CTNNBIP1: variants seen among roughly 807,000 people sequenced by gnomAD.
CTNNBIP1 encodes catenin beta interacting protein 1, also known as beta-catenin-interacting protein 1.
A neutral mutation model predicts 11.8 loss-of-function variants in CTNNBIP1; 7 were observed. The observed-to-expected ratio is 0.60, with a 90% confidence interval of 0.34 to 1.12. CTNNBIP1 has a LOEUF of 1.12. CTNNBIP1 is among the 50% of genes most tolerant of loss of function. The pLI, the probability that CTNNBIP1 is intolerant of heterozygous loss-of-function variation, is 0.03. For missense variants in CTNNBIP1, 101 were observed against 113.4 expected (o/e 0.89, Z 0.50); for synonymous variants, 58 against 43.9 (o/e 1.32, Z -1.26).
At chr1:9,856,598 C>T (rs755775459) in intron 5 of CTNNBIP1, among the ~76,000 whole-genome samples, 2 of 150,974 alleles carry the variant, frequency 1.3e-5, no homozygotes, top group East Asian at 2.0e-4. Context: ...ACCACAATCT[C>T]CGCCTCCCGC....
intron 5 of CTNNBIP1, among the ~76,000 whole-genome samples, chr1:9,861,750 C>G (rs945697198): frequency 3.9e-5 from 6 of 152,220 alleles, no homozygotes; most frequent in African/African-American, 1.4e-4. Context: ...CCCTCCTAGG[C>G]TTGGGGTCCC....
chr1:9,899,683 C>T (rs1557766757), intron 1 of CTNNBIP1, among the ~76,000 whole-genome samples: 4 of 151,380 alleles, frequency 2.6e-5, no homozygotes, highest in African/African-American at 7.3e-5. Context: ...CACTTGAACC[C>T]GGGAGGCGGA....
intron 5 of CTNNBIP1, among the ~76,000 whole-genome samples, chr1:9,865,834 G>C (rs903120390): frequency 3.8e-4 from 57 of 151,968 alleles, no homozygotes; most frequent in Non-Finnish European, 8.8e-5. Flanking sequence ...CTATAACTGG[G>C]AAAAAAATCA....
intron 5 of CTNNBIP1, among the ~76,000 whole-genome samples, chr1:9,866,567 C>T (rs1459812519): frequency 1.5e-4 from 23 of 151,892 alleles, no homozygotes; most frequent in Admixed American, 1.5e-3. Context: ...GTAACCCCAG[C>T]TACTCGGGAG....
At chr1:9,853,680 T>A (rs1290542573) in intron 5 of CTNNBIP1, among the ~76,000 whole-genome samples, 1 of 152,240 alleles carries the variant, frequency 6.6e-6, no homozygotes, top group African/African-American at 2.4e-5. Context: ...CCTTGGTATC[T>A]CTGTTGACAC....
intron 1 of CTNNBIP1, among the ~76,000 whole-genome samples, chr1:9,889,786 T>C (rs1250881229): frequency 6.6e-6 from 1 of 152,112 alleles, no homozygotes; most frequent in Non-Finnish European, 1.5e-5. Context: ...AACCCACATC[T>C]CTTATTAAAT....
At chr1:9,854,305 T>G (rs984540076) in intron 5 of CTNNBIP1, among the ~76,000 whole-genome samples, 3 of 149,552 alleles carry the variant, frequency 2.0e-5, no homozygotes, top group Admixed American at 2.0e-4. Flanking sequence ...GAGGTGGAGG[T>G]TGCAGTGAGC....
chr1:9,878,738 G>C (rs1455645687), intron 2 of CTNNBIP1, among the ~76,000 whole-genome samples: 1 of 152,212 alleles, frequency 6.6e-6, no homozygotes, highest in African/African-American at 2.4e-5. Flanking sequence ...AGGCTGTGAG[G>C]GGCGCTGGGA....
chr1:9,873,226 T>G (rs1423186244), intron 3 of CTNNBIP1, among the ~76,000 whole-genome samples: 1 of 152,162 alleles, frequency 6.6e-6, no homozygotes, highest in Non-Finnish European at 1.5e-5. Flanking sequence ...GCATGCTGGA[T>G]GCGGCATAGG....
chr1:9,888,642 ACCACC>A (rs1436658295), intron 1 of CTNNBIP1, among the ~76,000 whole-genome samples: 5 of 152,158 alleles, frequency 3.3e-5, no homozygotes, highest in Non-Finnish European at 7.4e-5. Flanking sequence ...CGCATCCCAG[ACCACC>A]CCATGTTAGC....
At chr1:9,855,980 T>C (rs1638494123) in intron 5 of CTNNBIP1, among the ~76,000 whole-genome samples, 1 of 152,036 alleles carries the variant, frequency 6.6e-6, no homozygotes, top group Non-Finnish European at 1.5e-5. Flanking sequence ...ACCCCATCTC[T>C]ACTAAAAATA....
intron 5 of CTNNBIP1, among the ~76,000 whole-genome samples, chr1:9,868,392 A>C (rs1638792056): frequency 6.6e-6 from 1 of 152,222 alleles, no homozygotes; most frequent in South Asian, 2.1e-4. Context: ...ACTGCTCAGC[A>C]GTTTCAGGGC....
chr1:9,871,053 T>C lies in CTNNBIP1; in HGVS notation c.187+134A>G. 1.5e-6 allele frequency: 1 copy of C among 649,400 alleles called. No individual in the cohort carries two copies. Among genetic ancestry groups the C allele is most frequent in the Non-Finnish European group, 2.6e-6 (1 of 382,686 alleles). The allele number at this position is 649,400 out of a possible 1,614,324, so 40.2% of individuals were successfully genotyped here. Reference sequence around the variant, plus strand: ...TCAGCTCTGTGGGTGGAGAGAGCTGTAGCCCCTCCTAGTCAGCCCTGGGTC... The same window carrying C: ...TCAGCTCTGTGGGTGGAGAGAGCTGCAGCCCCTCCTAGTCAGCCCTGGGTC... On this transcript the variant is annotated intron_variant, in intron 5 of 5. Coordinates refer to ENST00000377263, the MANE Select transcript of CTNNBIP1 (RefSeq NM_020248.3). The surrounding 1 kb of genome is among the most constrained non-coding windows in gnomAD (Gnocchi z 5.2).
At chr1:9,897,718 G>A (rs1431732318) in intron 1 of CTNNBIP1, among the ~76,000 whole-genome samples, 1 of 152,210 alleles carries the variant, frequency 6.6e-6, no homozygotes, top group African/African-American at 2.4e-5. Flanking sequence ...GGTGGCTGAG[G>A]CAGGAGAATC....
chr1:9,872,811 G>A lies in CTNNBIP1; in HGVS notation c.-24-723C>T, dbSNP rs1010178684. 6.6e-6 allele frequency among the ~76,000 whole-genome samples: 1 copy of A among 152,212 alleles called. No homozygotes were observed. Among genetic ancestry groups the A allele is most frequent in the African/African-American group, 2.4e-5 (1 of 41,454 alleles). On this transcript the variant is annotated intron_variant, in intron 3 of 5. Coordinates refer to ENST00000377263, the MANE Select transcript of CTNNBIP1 (RefSeq NM_020248.3). This position sits in a 1 kb window ranked among gnomAD's most constrained non-coding sequence, Gnocchi z 4.0. ...GACCTAACCTGTAGAAAGTCCCCAG[G>A]AGAGAAGTCCAGAGCCCCCTCCCTC...
chr1:9,905,508 C>T (rs1399397538), intron 1 of CTNNBIP1, among the ~76,000 whole-genome samples: 5 of 151,874 alleles, frequency 3.3e-5, no homozygotes, highest in Admixed American at 6.6e-5. Context: ...CTGCAAGCTC[C>T]GCCTCCCGGG....
chr1:9,890,802 C>T (rs990920989), intron 1 of CTNNBIP1, among the ~76,000 whole-genome samples: 4 of 152,276 alleles, frequency 2.6e-5, no homozygotes, highest in African/African-American at 4.8e-5. Flanking sequence ...GGTAGAGGAA[C>T]GCTTTTTCTC....
At chr1:9,870,230 G>A (rs1419231671) in intron 5 of CTNNBIP1, among the ~76,000 whole-genome samples, 5 of 152,364 alleles carry the variant, frequency 3.3e-5, no homozygotes, top group East Asian at 3.9e-4. Context: ...GCCCGCTCGC[G>A]TCTGGACATG....
chr1:9,872,035 A>C lies in CTNNBIP1; in HGVS notation c.30T>G (p.Ser10Arg). 1 of 1,613,442 alleles carries C rather than the reference A, an allele frequency of 6.2e-7. No homozygotes were observed. Among genetic ancestry groups the C allele is most frequent in the South Asian group, 1.1e-5 (1 of 91,048 alleles). Residue 10 changes from serine (S) to arginine (R), a missense_variant, in exon 4 of 6, where the codon AGT becomes AGG. Ser to Arg is a moderately radical substitution (Grantham distance 110, BLOSUM62 -1). Coordinates refer to ENST00000377263, the MANE Select transcript of CTNNBIP1 (RefSeq NM_020248.3). This position sits in a 1 kb window ranked among gnomAD's most constrained non-coding sequence, Gnocchi z 4.0. ...TCTGCTGAATGTACATCTCCTCCGG[A>C]CTCTTCCCGGGAGCTCCCTCGCGGT... is the stretch of plus-strand genomic sequence containing the variant. MNREGAPGKSPEEMYIQQKV... is the reference protein window; with the variant it reads MNREGAPGKRPEEMYIQQKV...
Sources: allele counts gnomAD v4.1 joint callset (sites outside exome capture counted in the v4.1 genomes callset), GRCh38; gene constraint gnomAD v4.1.1; non-coding constraint Gnocchi (gnomAD v3.1); transcripts MANE v1.5; gene names NCBI Gene and HGNC (gene_info 2026-07-23, HGNC 2026-07-21).